Variants in ZNF568 observed in about 807,000 individuals in gnomAD.
ZNF568 encodes p53 inhibitor of SCO2 activation.
In ZNF568, 11 loss-of-function variants were observed where a neutral mutation model predicts 18.1. That is an observed-to-expected ratio of 0.61 (90% CI 0.38 to 1.00). The LOEUF (loss-of-function observed/expected upper bound fraction) is 1.00. Ranked by LOEUF, ZNF568 falls within the 50% of genes least tolerant of loss-of-function variation. The probability of loss-of-function intolerance (pLI) is 0.01; values close to 1 mark genes in which losing one functional copy is unlikely to be tolerated. For synonymous variants in ZNF568, 213 were observed against 246.6 expected (o/e 0.86, Z 1.28); for missense variants, 639 against 768.2 (o/e 0.83, Z 1.99).
chr19:36,973,619 G>A (rs2074256169), intron 6 of ZNF568: 1 of 152,946 alleles, frequency 6.5e-6, no homozygotes, highest in Non-Finnish European at 1.5e-5. Context: ...CCTCTTGTCT[G>A]GACTAAAAGT....
downstream of ZNF568, among the ~76,000 whole-genome samples, chr19:36,953,987 G>A (rs1295930619): frequency 6.6e-6 from 1 of 152,192 alleles, no homozygotes; most frequent in East Asian, 1.9e-4. Context: ...ACTTTGGGAG[G>A]CCTAGGCGGG....
chr19:36,993,889 T>C (rs566344613), intron 4 of ZNF568, among the ~76,000 whole-genome samples: 12 of 152,218 alleles, frequency 7.9e-5, no homozygotes, highest in African/African-American at 2.9e-4. Context: ...TTTTCTATTC[T>C]CTATTTTGTT....
Position 36,952,283 on chromosome 19 carries a change from A to AT in ZNF568, c.*1195_*1196insT, listed in dbSNP as rs2074071957. On this transcript the variant is annotated 3_prime_UTR_variant, in exon 7 of 7. Transcript: ENST00000333987. ...CATAGCAAGACCCCATCTCTTAAAA[A>AT]AAAAGAAATATATAGACATATATCT... The AT allele has an allele frequency of 6.4e-6, 1 of 155,106 alleles. No individual in the cohort carries two copies. The highest frequency in any genetic ancestry group is 2.4e-5 in the African/African-American group (1 of 41,464). 9.6% of individuals were successfully genotyped at this position (155,106 alleles called of 1,614,324 possible). A position where few individuals can be genotyped will look rare whatever the true frequency, so the allele number is the denominator to read the frequency against.
At chr19:36,945,737 ATGTGTG>A (rs35542484) in intron 6 of ZNF568, among the ~76,000 whole-genome samples, 236 of 149,046 alleles carry the variant, frequency 1.6e-3, no homozygotes, top group East Asian at 4.8e-3. Context: ...GTGTGATTAT[ATGTGTG>A]TGTGTGTGTG....
downstream of ZNF568, among the ~76,000 whole-genome samples, chr19:36,983,893 C>CTTTTTT (rs57048125): frequency 9.6e-3 from 1,042 of 108,532 alleles, 53 homozygotes; most frequent in African/African-American, 0.017. Context: ...CAACTTTGTC[C>CTTTTTT]TTTTTTTTTT....
intron 7 of ZNF568, chr19:36,974,553 A>T (rs910172399): frequency 5.2e-6 from 7 of 1,338,408 alleles, no homozygotes; most frequent in Non-Finnish European, 7.2e-6. Context: ...AAATATTTAC[A>T]TTCATGATTT....
intron 6 of ZNF568, among the ~76,000 whole-genome samples, chr19:36,948,219 A>C (rs944942211): frequency 6.6e-6 from 1 of 152,114 alleles, no homozygotes; most frequent in African/African-American, 2.4e-5. Flanking sequence ...GTTTGGAATC[A>C]TATAGTAGGT....
At chr19:36,924,250 G>A (rs571771014) in intron 3 of ZNF568, among the ~76,000 whole-genome samples, 2 of 151,718 alleles carry the variant, frequency 1.3e-5, no homozygotes, top group African/African-American at 4.8e-5. Flanking sequence ...ACAGAGTCTC[G>A]CTCTGTCGCC....
intron 2 of ZNF568, among the ~76,000 whole-genome samples, chr19:36,987,223 G>C (rs1413076652): frequency 6.6e-6 from 1 of 152,134 alleles, no homozygotes; most frequent in Non-Finnish European, 1.5e-5. Context: ...AAGGCCATGG[G>C]TAATCTCGGT....
intron 6 of ZNF568, 24 bp downstream of exon 6, chr19:36,937,266 G>A: frequency 6.3e-7 from 1 of 1,593,076 alleles, no homozygotes; most frequent in South Asian, 1.1e-5. Context: ...AAGCAGCTCT[G>A]AATGAGAAAG....
In ZNF568 at chr19:36,937,173, A is replaced by G; in HGVS notation, c.289A>G (p.Ile97Val). ...VGCQVTKPDV[I>V]FKLEQEEEPW... ...CTGTCAAGTCACCAAACCGGATGTG[A>G]TATTCAAGTTGGAGCAAGAAGAGGA... Residue 97 changes from isoleucine to valine, a missense_variant, in exon 6 of 7, where the codon ATA (isoleucine) becomes GTA (valine). Ile to Val is a conservative substitution (Grantham distance 29). Coordinates refer to ENST00000333987, the MANE Select transcript of ZNF568 (RefSeq NM_198539.4). The G allele has an allele frequency of 1.9e-6, 3 of 1,614,062 alleles. No individual in the cohort carries two copies. The highest frequency in any genetic ancestry group is 1.7e-6 in the Non-Finnish European group (2 of 1,179,944).
chr19:36,918,031 C>T (rs2073379768), intron 2 of ZNF568, among the ~76,000 whole-genome samples: 1 of 152,320 alleles, frequency 6.6e-6, no homozygotes, highest in Admixed American at 6.5e-5. Flanking sequence ...TCACTGCAAA[C>T]TCCGCCTCCC....
At position 36,951,935 on chromosome 19, in the gene ZNF568, A is replaced by T; in HGVS notation, c.*847A>T. On this transcript the variant is annotated 3_prime_UTR_variant, in exon 7 of 7. Transcript: ENST00000333987. ...CTTGAGCCACTGCACCTGGCCAAAA[A>T]ATTAACATTCTAAAGGATTTAAATA... is the stretch of plus-strand genomic sequence containing the variant. 9.1e-6 allele frequency: 9 copies of T among 984,654 alleles called. No individual in the cohort carries two copies. Among genetic ancestry groups the T allele is most frequent in the Non-Finnish European group, 1.1e-5 (9 of 829,796 alleles). 61.0% of individuals were successfully genotyped at this position (984,654 alleles called of 1,614,324 possible).
At chr19:36,995,976 G>T (rs936233748) in intron 4 of ZNF568, among the ~76,000 whole-genome samples, 2 of 152,118 alleles carry the variant, frequency 1.3e-5, no homozygotes, top group Non-Finnish European at 2.9e-5. Flanking sequence ...ACATGGTAAG[G>T]GGGAATTCAG....
downstream of ZNF568, among the ~76,000 whole-genome samples, chr19:36,983,717 C>A (rs2074350594): frequency 1.3e-5 from 2 of 151,820 alleles, no homozygotes; most frequent in Admixed American, 1.3e-4. Context: ...ATTAGAGTTT[C>A]TATTTCATTT....
chr19:36,932,121 T>C (rs1472307639), intron 4 of ZNF568, among the ~76,000 whole-genome samples: 3 of 152,208 alleles, frequency 2.0e-5, no homozygotes. Flanking sequence ...TCTTTATTCA[T>C]TGATTAATGG....
At chr19:36,919,244 CAG>C (rs2073408566) in intron 2 of ZNF568, among the ~76,000 whole-genome samples, 1 of 151,996 alleles carries the variant, frequency 6.6e-6, no homozygotes, top group Non-Finnish European at 1.5e-5. Flanking sequence ...ATATCAAAAA[CAG>C]ACAAAAATAA....
intron 4 of ZNF568, chr19:36,996,300 T>G (rs2074470751): frequency 6.7e-7 from 1 of 1,502,136 alleles, no homozygotes; most frequent in Non-Finnish European, 8.8e-7. Context: ...CCTATTTTCT[T>G]TCTTATTATT....
chr19:36,961,960 T>C (rs1346746458), intron 6 of ZNF568, among the ~76,000 whole-genome samples: 1 of 147,140 alleles, frequency 6.8e-6, no homozygotes, highest in African/African-American at 2.5e-5. Context: ...TGCACCACCA[T>C]GCCTGGGTAA....
Sources: gnomAD v4.1 joint callset for allele counts (sites outside exome capture counted in the v4.1 genomes callset) on GRCh38, gnomAD v4.1.1 for gene constraint, MANE v1.5 for transcripts, NCBI Gene and HGNC (gene_info 2026-07-23, HGNC 2026-07-21) for gene names.